Variants in NRXN3 observed in about 807,000 individuals in gnomAD.
NRXN3 encodes the protein neurexin III.
Under a neutral mutation model 137.6 loss-of-function variants are expected in NRXN3, and 32 were observed. That is an observed-to-expected ratio of 0.23 (90% CI 0.18 to 0.31). The LOEUF (loss-of-function observed/expected upper bound fraction) is 0.31, where lower values mean the gene tolerates loss of function less well. Ranked by LOEUF, NRXN3 falls within the 10% of genes least tolerant of loss-of-function variation. The probability of loss-of-function intolerance (pLI) is 1.00; values close to 1 mark genes in which losing one functional copy is unlikely to be tolerated. For synonymous variants in NRXN3, 798 were observed against 784.5 expected, an observed-to-expected ratio of 1.02 and a Z score of -0.29; for missense variants, 1,574 against 2,062.5, an observed-to-expected ratio of 0.76 and a Z score of 4.59.
At chr14:79,599,727 G>T (rs537765464) in intron 16 of NRXN3, among the ~76,000 whole-genome samples, 2 of 152,320 alleles carry the variant, frequency 1.3e-5, no homozygotes, top group African/African-American at 4.8e-5. Context: ...AGGCACAGTG[G>T]CTCATGCCTG....
At chr14:79,853,121 T>C (rs2099395334) in intron 20 of NRXN3, among the ~76,000 whole-genome samples, 1 of 152,114 alleles carries the variant, frequency 6.6e-6, no homozygotes, top group Non-Finnish European at 1.5e-5. Flanking sequence ...GAAAATGCCA[T>C]TTCTCTATAG....
chr14:79,461,350 T>A (rs1209614096), intron 15 of NRXN3, among the ~76,000 whole-genome samples: 3 of 152,182 alleles, frequency 2.0e-5, no homozygotes, highest in Non-Finnish European at 4.4e-5. Flanking sequence ...GCCATTAATA[T>A]TTCAGTGAGT....
chr14:79,850,501 A>C (rs1167861430), intron 20 of NRXN3, among the ~76,000 whole-genome samples: 1 of 152,216 alleles, frequency 6.6e-6, no homozygotes, highest in Non-Finnish European at 1.5e-5. Context: ...ACAAGTTCCC[A>C]AGATGAATTC....
At chr14:79,517,497 G>A (rs2097004158) in intron 16 of NRXN3, among the ~76,000 whole-genome samples, 1 of 151,924 alleles carries the variant, frequency 6.6e-6, no homozygotes, top group South Asian at 2.1e-4. Flanking sequence ...TTCTTTTATG[G>A]CATCCTTATT....
At chr14:78,990,302 C>A (rs1276033227) in intron 15 of NRXN3, among the ~76,000 whole-genome samples, 1 of 151,858 alleles carries the variant, frequency 6.6e-6, no homozygotes, top group Non-Finnish European at 1.5e-5. Context: ...GGAGATTGGA[C>A]CACGGCTTCT....
chr14:78,954,516 G>A (rs1282615038), intron 10 of NRXN3, among the ~76,000 whole-genome samples: 2 of 152,038 alleles, frequency 1.3e-5, no homozygotes, highest in East Asian at 3.9e-4. Context: ...CCAGGCTGGA[G>A]GGCAGTGGCG....
intron 19 of NRXN3, among the ~76,000 whole-genome samples, chr14:79,744,916 C>T (rs867322269): frequency 2.0e-5 from 3 of 151,882 alleles, no homozygotes; most frequent in Non-Finnish European, 4.4e-5. Context: ...CCCAAATCAG[C>T]CCTATCAGGA....
rs972486470 is a variant in NRXN3, at chr14:79,314,780, G to C, written c.3263-152441G>C. ...CCCCTGACCCCCAAGCAGCCTAACT[G>C]GGAGGCACCCCCCAGCAGGGGTACA... On this transcript the variant is annotated intron_variant, in intron 15 of 20. Transcript: ENST00000335750. Among the ~76,000 whole-genome samples, 3 of 146,396 alleles carry C rather than the reference G, an allele frequency of 2.0e-5. No homozygotes were observed. In the East Asian group the frequency reaches 6.2e-4, roughly 30 times the overall value.
chr14:78,876,442 T>C (rs1475058530), intron 10 of NRXN3, among the ~76,000 whole-genome samples: 1 of 152,210 alleles, frequency 6.6e-6, no homozygotes, highest in Non-Finnish European at 1.5e-5. Flanking sequence ...ATTGCTTGCA[T>C]TGGTCACTGA....
chr14:78,796,498 T>C (rs1333864239), intron 8 of NRXN3, among the ~76,000 whole-genome samples: 3 of 152,152 alleles, frequency 2.0e-5, no homozygotes, highest in African/African-American at 7.2e-5. Flanking sequence ...GAGATCTTGA[T>C]GGCAAGCAGC....
At chr14:78,881,110 C>T (rs2099128088) in intron 10 of NRXN3, among the ~76,000 whole-genome samples, 1 of 151,582 alleles carries the variant, frequency 6.6e-6, no homozygotes, top group South Asian at 2.1e-4. Flanking sequence ...GTGTTTGCTT[C>T]CCCTTCCACC....
At chr14:78,568,961 G>GTTTTTTTTTTTTTTTTTT (rs34485878) in intron 4 of NRXN3, among the ~76,000 whole-genome samples, 6 of 103,748 alleles carry the variant, frequency 5.8e-5, no homozygotes, top group African/African-American at 2.5e-4. Context: ...GACTTTGCAG[G>GTTTTTTTTTTTTTTTTTT]TTTTTTTTTT....
intron 19 of NRXN3, among the ~76,000 whole-genome samples, chr14:79,699,041 AT>A (rs1376916520): frequency 3.9e-5 from 6 of 151,968 alleles, no homozygotes; most frequent in Non-Finnish European, 5.9e-5. Context: ...AGCTCTTTGC[AT>A]GGCTCCACAG....
At chr14:79,717,700 C>A (rs948008274) in intron 19 of NRXN3, among the ~76,000 whole-genome samples, 1 of 152,128 alleles carries the variant, frequency 6.6e-6, no homozygotes, top group South Asian at 2.1e-4. Context: ...GTTTAAGGTG[C>A]CCAAGCTACT....
At chr14:79,280,327 T>C in intron 15 of NRXN3, 2 of 1,614,104 alleles carry the variant, frequency 1.2e-6, no homozygotes, top group Non-Finnish European at 1.7e-6. Context: ...GGAGCCCTCC[T>C]CGCCGGCCGG....
intron 19 of NRXN3, among the ~76,000 whole-genome samples, chr14:79,704,293 C>CAGAT (rs1370050033): frequency 6.6e-6 from 1 of 152,168 alleles, no homozygotes; most frequent in East Asian, 1.9e-4. Flanking sequence ...ACTAGAACCT[C>CAGAT]AGATATTCTC....
At chr14:78,663,421 C>T (rs2097856343) in intron 6 of NRXN3, among the ~76,000 whole-genome samples, 2 of 152,128 alleles carry the variant, frequency 1.3e-5, no homozygotes, top group Non-Finnish European at 2.9e-5. Flanking sequence ...CTTGATTTCC[C>T]ACTTTGGGCA....
chr14:79,737,027 A>G (rs781001458), intron 19 of NRXN3, among the ~76,000 whole-genome samples: 1 of 152,230 alleles, frequency 6.6e-6, no homozygotes, highest in Non-Finnish European at 1.5e-5. Context: ...TTTGATGTAC[A>G]TCAAGCATCC....
chr14:79,348,660 A>T (rs1201208185), intron 15 of NRXN3, among the ~76,000 whole-genome samples: 1 of 152,182 alleles, frequency 6.6e-6, no homozygotes, highest in Admixed American at 6.5e-5. Context: ...TACAGGCGTA[A>T]GCCACCGCGC....
Sources: allele counts gnomAD v4.1 joint callset (sites outside exome capture counted in the v4.1 genomes callset), GRCh38; gene constraint gnomAD v4.1.1; transcripts MANE v1.5; gene names NCBI Gene and HGNC (gene_info 2026-07-23, HGNC 2026-07-21).